The following ORC3 variants were observed in gnomAD, a reference collection of about 807,000 sequenced individuals.
ORC3 encodes origin recognition complex subunit 3.
A neutral mutation model predicts 100.7 loss-of-function variants in ORC3; 78 were observed. That is an observed-to-expected ratio of 0.77 (90% confidence interval 0.65 to 0.94). ORC3 has a LOEUF of 0.94. Ranked by LOEUF, ORC3 falls within the 40% of genes least tolerant of loss-of-function variation. The pLI, the probability that ORC3 is intolerant of heterozygous loss-of-function variation, is 0.00. For missense variants in ORC3, 789 were observed against 823.9 expected (o/e 0.96, Z 0.52); for synonymous variants, 295 against 289.3 (o/e 1.02, Z -0.20).
At chr6:87,621,258 G>T (rs967728972) in intron 9 of ORC3, 96 bp from the exon 10 acceptor site, 6 of 825,296 alleles carry the variant, frequency 7.3e-6, no homozygotes, top group Middle Eastern at 8.2e-4. Context: ...AAATACTTTG[G>T]CTCTTTAAAA....
chr6:87,663,275 AT>A, intron 17 of ORC3, 131 bp downstream of exon 17: 1 of 610,074 alleles, frequency 1.6e-6, no homozygotes, highest in South Asian at 3.2e-5. Flanking sequence ...CGTCTCATAT[AT>A]TTTTAAAAAT....
chr6:87,604,159 A>T (rs926036702), intron 4 of ORC3, among the ~76,000 whole-genome samples: 1 of 152,226 alleles, frequency 6.6e-6, no homozygotes, highest in Admixed American at 6.5e-5. Context: ...AATTTTCTTC[A>T]TTCCCTTTGA....
At chr6:87,617,552 T>G (rs1412640802) in intron 9 of ORC3, among the ~76,000 whole-genome samples, 1 of 151,942 alleles carries the variant, frequency 6.6e-6, no homozygotes, top group Non-Finnish European at 1.5e-5. Flanking sequence ...CTGAACAACA[T>G]AATGCAGCCT....
chr6:87,650,500 T>C (rs1006780847), intron 13 of ORC3, among the ~76,000 whole-genome samples: 63 of 152,320 alleles, frequency 4.1e-4, no homozygotes, highest in African/African-American at 1.3e-3. Context: ...AGAATGATGC[T>C]GAATAATAGT....
Position 87,621,491 on chromosome 6 carries a change from A to C in ORC3, c.1121+4A>C. ...GACGTCTACCATCTTTTAGGAGGTA[A>C]AAAGAGAAGTACATGTTTAACACAT... On this transcript the variant is annotated splice_donor_region_variant and intron_variant, in intron 10 of 19. Transcript: ENST00000392844. The C allele has an allele frequency of 6.3e-7, 1 of 1,575,140 alleles. No individual in the cohort carries two copies. The highest frequency in any genetic ancestry group is 8.6e-7 in the Non-Finnish European group (1 of 1,163,902).
chr6:87,650,078 T>TGA (rs1769135252), intron 13 of ORC3, among the ~76,000 whole-genome samples: 2 of 150,684 alleles, frequency 1.3e-5, no homozygotes, highest in Admixed American at 1.3e-4. Flanking sequence ...TTTTTTTTTT[T>TGA]GAGAGAGGGT....
chr6:87,598,859 C>T (rs1777666619), intron 2 of ORC3, among the ~76,000 whole-genome samples: 1 of 152,174 alleles, frequency 6.6e-6, no homozygotes, highest in South Asian at 2.1e-4. Flanking sequence ...GCATTTTGCC[C>T]ACCATCTGTC....
At chr6:87,636,915 T>G (rs1767874651) in intron 13 of ORC3, among the ~76,000 whole-genome samples, 1 of 152,214 alleles carries the variant, frequency 6.6e-6, no homozygotes, top group African/African-American at 2.4e-5. Flanking sequence ...TGACCTTGAC[T>G]AGGAGCAGCA....
chr6:87,662,940 A>G (rs1770307617), intron 16 of ORC3, 63 bp from the exon 17 acceptor site: 3 of 1,090,466 alleles, frequency 2.8e-6, no homozygotes, highest in Non-Finnish European at 3.7e-6. Context: ...AAATATATAT[A>G]TTATATATAA....
intron 2 of ORC3, among the ~76,000 whole-genome samples, chr6:87,599,565 A>G (rs1312899406): frequency 6.6e-6 from 1 of 151,862 alleles, no homozygotes; most frequent in African/African-American, 2.4e-5. Context: ...ATGGGGTTTC[A>G]CCATGTTGGC....
chr6:87,624,711 T>C (rs1195620299), intron 11 of ORC3, among the ~76,000 whole-genome samples: 1 of 152,222 alleles, frequency 6.6e-6, no homozygotes, highest in Non-Finnish European at 1.5e-5. Context: ...TTTTTAATTA[T>C]ACTTTAAGTT....
downstream of ORC3, among the ~76,000 whole-genome samples, chr6:87,669,047 C>T (rs1252236357): frequency 6.6e-6 from 1 of 152,226 alleles, no homozygotes; most frequent in African/African-American, 2.4e-5. Flanking sequence ...ATCCCAGCTA[C>T]ATGGAAGGCT....
chr6:87,593,767 G>A (rs994586216), intron 1 of ORC3, among the ~76,000 whole-genome samples: 3 of 152,242 alleles, frequency 2.0e-5, no homozygotes, highest in Non-Finnish European at 2.9e-5. Flanking sequence ...CACGATCTCA[G>A]CCCACTGCAG....
intron 11 of ORC3, among the ~76,000 whole-genome samples, chr6:87,631,620 G>C (rs529301970): frequency 6.6e-6 from 1 of 151,916 alleles, no homozygotes; most frequent in Non-Finnish European, 1.5e-5. Flanking sequence ...AGCCTCCCAA[G>C]TAGCTGGGAT....
Position 87,609,128 on chromosome 6 carries a change from G to A in ORC3, c.612G>A (p.Arg204=). The change falls in exon 7 of 20, where the codon AGG becomes AGA. Residue 204 remains arginine (R), a synonymous_variant. Coordinates refer to ENST00000392844, the MANE Select transcript of ORC3 (RefSeq NM_012381.4). ...KTDPKMLSKK[R]TTSSQWQSPP... The stretch of plus-strand genomic sequence containing the variant: ...ACCCAAAAATGCTAAGCAAAAAAAG[G>A]ACTACTTCTAGCCAATGGCAGTCTC... 6.2e-7 allele frequency: 1 copy of A among 1,603,258 alleles called. No homozygotes were observed. The highest frequency in any genetic ancestry group is 1.1e-5 in the South Asian group (1 of 88,428).
At chr6:87,592,881 C>G (rs939525748) in intron 1 of ORC3, among the ~76,000 whole-genome samples, 10 of 152,134 alleles carry the variant, frequency 6.6e-5, no homozygotes, top group African/African-American at 2.4e-4. Context: ...ATCACGAGAT[C>G]AGGAGTGCGA....
chr6:87,661,252 A>G (rs930243220), intron 16 of ORC3, among the ~76,000 whole-genome samples: 6 of 152,340 alleles, frequency 3.9e-5, no homozygotes, highest in African/African-American at 1.4e-4. Context: ...ATTGGTAGCC[A>G]GCCATCACAG....
chr6:87,645,557 T>C (rs183627080), intron 13 of ORC3, among the ~76,000 whole-genome samples: 1 of 152,338 alleles, frequency 6.6e-6, no homozygotes, highest in African/African-American at 2.4e-5. Context: ...TTCATTGATA[T>C]ATATACATTT....
At chr6:87,647,969 G>A (rs993531692) in intron 13 of ORC3, among the ~76,000 whole-genome samples, 1 of 152,224 alleles carries the variant, frequency 6.6e-6, no homozygotes, top group African/African-American at 2.4e-5. Flanking sequence ...GGAGGCCGAG[G>A]CAGGCAGATC....
Sources: allele counts gnomAD v4.1 joint callset (sites outside exome capture counted in the v4.1 genomes callset), GRCh38; gene constraint gnomAD v4.1.1; transcripts MANE v1.5; gene names NCBI Gene and HGNC (gene_info 2026-07-23, HGNC 2026-07-21).